The following PITPNM2 variants were observed in gnomAD, a reference collection of about 807,000 sequenced individuals.
The protein encoded by PITPNM2 is membrane-associated phosphatidylinositol transfer protein 2.
In PITPNM2, 35 loss-of-function variants were observed where a neutral mutation model predicts 132.2. The observed-to-expected ratio is 0.26, with a 90% confidence interval of 0.20 to 0.35. The LOEUF is 0.35. Among genes scored for constraint, PITPNM2 ranks in the 10% least tolerant of loss-of-function variants. The pLI is 1.00. For missense variants in PITPNM2, 1,332 were observed against 1,912.0 expected, an observed-to-expected ratio of 0.70 and a Z score of 5.66; for synonymous variants, 738 against 799.2, an observed-to-expected ratio of 0.92 and a Z score of 1.29.
In PITPNM2 at chr12:123,042,930, G is replaced by A. The variant is rs558368156; in HGVS notation, c.-95-8245C>T. ...ATCCCCTTATGCCTGGGCTGGGGTTGCAGGAGTGTGTGGCTGCTCTGAAGG... is the reference window on the plus strand; with the variant it reads ...ATCCCCTTATGCCTGGGCTGGGGTTACAGGAGTGTGTGGCTGCTCTGAAGG... On this transcript the variant is annotated intron_variant, in intron 2 of 25. Transcript: ENST00000320201. 5.9e-5 allele frequency among the ~76,000 whole-genome samples: 9 copies of A among 152,176 alleles called. No individual in the cohort carries two copies. The South Asian group carries it at 1.9e-3, about 32-fold the overall frequency.
rs1175418289 is a variant in PITPNM2 at position 122,987,910 on chromosome 12, G to A, written c.2998-9C>T. The stretch of plus-strand genomic sequence containing the variant: ...TGGTTGGCCGTCACGTTCTGTGGAG[G>A]GAGTGGCAAGCCCAGGTCAGGGGGT... On this transcript the variant is annotated splice_polypyrimidine_tract_variant and intron_variant, in intron 20 of 25. Coordinates refer to ENST00000320201, the MANE Select transcript of PITPNM2 (RefSeq NM_020845.3). The A allele has an allele frequency of 2.5e-6, 4 of 1,605,548 alleles. No homozygotes were observed. Among genetic ancestry groups the A allele is most frequent in the South Asian group, 1.1e-5 (1 of 89,848 alleles).
intron 2 of PITPNM2, among the ~76,000 whole-genome samples, chr12:123,035,017 G>A (rs1245059311): frequency 6.6e-6 from 1 of 152,208 alleles, no homozygotes; most frequent in Non-Finnish European, 1.5e-5. Context: ...ACAAGGTACA[G>A]CATCTATTTC....
chr12:123,116,942 G>C (rs991750906), intron 1 of PITPNM2, among the ~76,000 whole-genome samples: 12 of 152,224 alleles, frequency 7.9e-5, no homozygotes, highest in Non-Finnish European at 1.3e-4. Flanking sequence ...GTGGCACAGG[G>C]ATGAGCTAAC....
chr12:122,987,922 C>A (rs377558242), intron 20 of PITPNM2, 21 bp from the exon 21 acceptor site: 10 of 1,598,658 alleles, frequency 6.3e-6, no homozygotes, highest in African/African-American at 2.7e-5. Flanking sequence ...AGTGGCAAGC[C>A]CAGGTCAGGG....
intron 1 of PITPNM2, among the ~76,000 whole-genome samples, chr12:123,130,913 G>A (rs527319075): frequency 1.1e-4 from 16 of 152,248 alleles, no homozygotes; most frequent in Non-Finnish European, 2.1e-4. Flanking sequence ...AGGGTGTAGA[G>A]GCCAGAAATA....
intron 2 of PITPNM2, among the ~76,000 whole-genome samples, chr12:123,079,836 G>A (rs1331990285): frequency 1.1e-4 from 16 of 152,146 alleles, no homozygotes; most frequent in Non-Finnish European, 2.4e-4. Context: ...GTGGCATTGA[G>A]TATATTCACA....
chr12:123,020,506 C>T (rs1032465431), intron 3 of PITPNM2, among the ~76,000 whole-genome samples: 2 of 152,118 alleles, frequency 1.3e-5, no homozygotes, highest in African/African-American at 2.4e-5. Flanking sequence ...CCAGGAAGAA[C>T]GTCCTGGTAC....
chr12:123,011,106 G>A (rs1245184808), intron 5 of PITPNM2, among the ~76,000 whole-genome samples: 1 of 152,230 alleles, frequency 6.6e-6, no homozygotes, highest in Non-Finnish European at 1.5e-5. Context: ...TGTGTGTTGG[G>A]CAGGACTGGG....
chr12:122,995,049 G>A (rs1056444802), intron 14 of PITPNM2, 70 bp from the exon 15 acceptor site: 23 of 1,462,932 alleles, frequency 1.6e-5, no homozygotes, highest in Non-Finnish European at 2.1e-5. Context: ...CACTGCTGGT[G>A]GCAGCAGGTC....
intron 3 of PITPNM2, among the ~76,000 whole-genome samples, chr12:123,029,086 A>G (rs754692351): frequency 3.3e-5 from 5 of 152,052 alleles, no homozygotes; most frequent in East Asian, 1.9e-4. Flanking sequence ...CTCCTCCCCA[A>G]TCTAGACACT....
In PITPNM2 at chr12:123,115,358, G is replaced by C. The variant is rs757455115; in HGVS notation, c.-199-4870C>G. Among the ~76,000 whole-genome samples the C allele has an allele frequency of 8.1e-4, 124 of 152,160 alleles. 1 individual carries two copies. The highest frequency in any genetic ancestry group is 1.6e-3 in the Non-Finnish European group (107 of 68,040). Reference sequence around the variant, plus strand: ...AGTGGAGAGACCTCCAGTGAAGGTGGAAGCATTTGCAGGGCCATTAAAAGA... The same window carrying C: ...AGTGGAGAGACCTCCAGTGAAGGTGCAAGCATTTGCAGGGCCATTAAAAGA... On this transcript the variant is annotated intron_variant, in intron 1 of 25. Coordinates refer to ENST00000320201, the MANE Select transcript of PITPNM2 (RefSeq NM_020845.3).
chr12:123,050,875 A>G (rs1188441895), intron 2 of PITPNM2, among the ~76,000 whole-genome samples: 1 of 152,224 alleles, frequency 6.6e-6, no homozygotes, highest in East Asian at 1.9e-4. Flanking sequence ...GGAAGAAACG[A>G]AACACAAAGG....
At chr12:123,046,647 T>C (rs2040668020) in intron 2 of PITPNM2, among the ~76,000 whole-genome samples, 1 of 152,200 alleles carries the variant, frequency 6.6e-6, no homozygotes, top group African/African-American at 2.4e-5. Context: ...TCTGTTTTGA[T>C]GGATTTGCCT....
intron 3 of PITPNM2, among the ~76,000 whole-genome samples, chr12:123,026,013 C>A (rs139268667): frequency 6.6e-6 from 1 of 152,248 alleles, no homozygotes; most frequent in Non-Finnish European, 1.5e-5. Flanking sequence ...CATTCCAGAG[C>A]CTGCTCAGCC....
Position 122,992,469 on chromosome 12 carries a change from C to A in PITPNM2, c.2404+30G>T. 6.3e-7 allele frequency: 1 copy of A among 1,591,018 alleles called. No individual in the cohort carries two copies. The highest frequency in any genetic ancestry group is 8.5e-7 in the Non-Finnish European group (1 of 1,169,602). ...GAGCCACGCTTACCCCACCTTCCCC[C>A]AGAGGAGTGGGGCGGAATGTGCCTC... is the stretch of plus-strand genomic sequence containing the variant. On this transcript the variant is annotated intron_variant, in intron 16 of 25. Coordinates refer to ENST00000320201, the MANE Select transcript of PITPNM2 (RefSeq NM_020845.3). The surrounding 1 kb of genome is among the most constrained non-coding windows in gnomAD (Gnocchi z 6.5).
Position 123,099,801 on chromosome 12 carries a change from G to A in PITPNM2, c.-96+10584C>T, listed in dbSNP as rs2042511291. ...CTATCCTTAGGAAGCCCCTCCAGCT[G>A]AGGAGAGAGATGCACAGATGTGCCA... On this transcript the variant is annotated intron_variant, in intron 2 of 25. Transcript: ENST00000320201. The surrounding 1 kb of genome is among the most constrained non-coding windows in gnomAD (Gnocchi z 4.2). 2.0e-5 allele frequency among the ~76,000 whole-genome samples: 3 copies of A among 152,150 alleles called. No homozygotes were observed. Among genetic ancestry groups the A allele is most frequent in the Admixed American group, 2.0e-4 (3 of 15,278 alleles).
chr12:123,096,319 A>G (rs2137169257), intron 2 of PITPNM2, among the ~76,000 whole-genome samples: 1 of 152,378 alleles, frequency 6.6e-6, no homozygotes, highest in Non-Finnish European at 1.5e-5. Context: ...ATGAGGCCAC[A>G]GAAGAGGAAT....
chr12:123,002,075 C>T (rs867384419), intron 8 of PITPNM2, among the ~76,000 whole-genome samples: 7 of 150,774 alleles, frequency 4.6e-5, no homozygotes, highest in South Asian at 2.1e-4. Context: ...TGGTGGTTCA[C>T]GTCTGTAATC....
intron 6 of PITPNM2, among the ~76,000 whole-genome samples, chr12:123,007,066 GC>G (rs1367351178): frequency 5.9e-5 from 9 of 152,184 alleles, no homozygotes; most frequent in Non-Finnish European, 8.8e-5. Flanking sequence ...CTGACAGTTG[GC>G]CCCGAATTTT....
Sources: allele counts gnomAD v4.1 joint callset (sites outside exome capture counted in the v4.1 genomes callset), GRCh38; gene constraint gnomAD v4.1.1; non-coding constraint Gnocchi (gnomAD v3.1); transcripts MANE v1.5; gene names NCBI Gene and HGNC (gene_info 2026-07-23, HGNC 2026-07-21).